Variants in PALD1 observed in about 807,000 individuals in gnomAD.
The protein encoded by PALD1 is phosphatase domain containing paladin 1, also known as paladin.
A neutral mutation model predicts 96.0 loss-of-function variants in PALD1; 57 were observed. That is an observed-to-expected ratio of 0.59 (90% CI 0.48 to 0.74). The LOEUF is 0.74. Ranked by LOEUF, PALD1 falls within the 30% of genes least tolerant of loss-of-function variation. The pLI, the probability that PALD1 is intolerant of heterozygous loss-of-function variation, is 0.00. For missense variants in PALD1, 1,063 were observed against 1,143.7 expected (o/e 0.93, Z 1.02); for synonymous variants, 464 against 473.6 (o/e 0.98, Z 0.26).
At chr10:70,497,334 C>G (rs1846211678) in intron 1 of PALD1, among the ~76,000 whole-genome samples, 1 of 152,228 alleles carries the variant, frequency 6.6e-6, no homozygotes, top group Non-Finnish European at 1.5e-5. Flanking sequence ...GTGTGCACAG[C>G]TGCCTCGCTC....
chr10:70,526,802 G>T (rs1846878724), intron 2 of PALD1, among the ~76,000 whole-genome samples: 1 of 152,238 alleles, frequency 6.6e-6, no homozygotes, highest in African/African-American at 2.4e-5. Context: ...GAGAAGCCTT[G>T]TACTTTCCAC....
chr10:70,543,152 A>G (rs1432759745), intron 17 of PALD1, among the ~76,000 whole-genome samples: 1 of 145,324 alleles, frequency 6.9e-6, no homozygotes. Flanking sequence ...ATGATTAGTG[A>G]TGTTCAATAT....
chr10:70,556,523 G>A (rs1447251847), intron 18 of PALD1, among the ~76,000 whole-genome samples: 1 of 152,024 alleles, frequency 6.6e-6, no homozygotes, highest in African/African-American at 2.4e-5. Flanking sequence ...TTGCTGTGGT[G>A]CCCAGGCTGG....
intron 8 of PALD1, 95 bp from the exon 9 acceptor site, chr10:70,534,330 G>C: frequency 3.5e-6 from 3 of 851,470 alleles, no homozygotes; most frequent in South Asian, 1.6e-5. Flanking sequence ...CTGTAGTCTG[G>C]TGTCCCCCAG....
At chr10:70,563,006 C>T (rs1156479378) in intron 18 of PALD1, among the ~76,000 whole-genome samples, 1 of 152,158 alleles carries the variant, frequency 6.6e-6, no homozygotes, top group Non-Finnish European at 1.5e-5. Context: ...TCAGTGGCTC[C>T]CCAGTACTGA....
intron 12 of PALD1, 85 bp from the exon 13 acceptor site, chr10:70,538,807 C>T (rs1564703288): frequency 8.9e-7 from 1 of 1,120,754 alleles, no homozygotes; most frequent in Non-Finnish European, 1.4e-6. Flanking sequence ...CCACCCCACC[C>T]CCCGTCTGCC....
intron 1 of PALD1, among the ~76,000 whole-genome samples, chr10:70,511,646 C>T (rs976500714): frequency 1.3e-5 from 2 of 152,150 alleles, no homozygotes; most frequent in African/African-American, 4.8e-5. Flanking sequence ...CTGGTGCAGG[C>T]CTTCTTGCTG....
Position 70,534,010 on chromosome 10 carries a change from A to G in PALD1, c.959A>G (p.Asn320Ser), listed in dbSNP as rs759173599. ...TGCCAGATGGGCGTGGGCAGGACCA[A>G]CCTGGGCATGGTCCTGGGCACCCTC... The part of the protein sequence containing the change: ...FSCQMGVGRT[N>S]LGMVLGTLIL... Residue 320 changes from asparagine (N) to serine (S), a missense_variant, in exon 8 of 20, where the codon AAC becomes AGC. Asn to Ser is a conservative substitution (Grantham distance 46). Coordinates refer to ENST00000263563, the MANE Select transcript of PALD1 (RefSeq NM_014431.3). 2 of 1,613,166 alleles carry G rather than the reference A, an allele frequency of 1.2e-6. No individual in the cohort carries two copies. Among genetic ancestry groups the G allele is most frequent in the South Asian group, 1.1e-5 (1 of 90,868 alleles).
intron 8 of PALD1, 79 bp downstream of exon 8, chr10:70,534,152 G>A (rs1847057872): frequency 1.3e-5 from 19 of 1,411,136 alleles, no homozygotes; most frequent in Non-Finnish European, 1.6e-5. Context: ...GTGGGGACAT[G>A]TCTAGGAGCC....
the PALD1 span, among the ~76,000 whole-genome samples, chr10:70,469,501 A>AATGCATT: frequency 6.6e-6 from 1 of 152,132 alleles, no homozygotes. Flanking sequence ...ATGTGCATTG[A>AATGCATT]ATGCATTATG....
chr10:70,539,520 T>C lies in PALD1; in HGVS notation c.1726-60T>C. ...GCCTGGCCATGGCAGGCTGTGGCCT[T>C]TCAGGGCTAGCCTAGAGCCTGCCCC... On this transcript the variant is annotated intron_variant, in intron 14 of 19. Coordinates refer to ENST00000263563, the MANE Select transcript of PALD1 (RefSeq NM_014431.3). The surrounding 1 kb of genome is among the most constrained non-coding windows in gnomAD (Gnocchi z 4.5). The C allele has an allele frequency of 5.5e-6, 8 of 1,457,812 alleles. No individual in the cohort carries two copies. The highest frequency in any genetic ancestry group is 7.4e-6 in the Non-Finnish European group (8 of 1,083,078). 90.3% of individuals were successfully genotyped at this position (1,457,812 alleles called of 1,614,324 possible). A position where few individuals can be genotyped will look rare whatever the true frequency, so the allele number is the denominator to read the frequency against.
chr10:70,507,565 G>T (rs997347702), intron 1 of PALD1, among the ~76,000 whole-genome samples: 4 of 152,214 alleles, frequency 2.6e-5, no homozygotes, highest in African/African-American at 9.6e-5. Context: ...GGGACCGAAG[G>T]TGTGCACCAC....
chr10:70,530,673 A>G (rs1441573399), intron 4 of PALD1, among the ~76,000 whole-genome samples: 1 of 152,146 alleles, frequency 6.6e-6, no homozygotes, highest in Non-Finnish European at 1.5e-5. Flanking sequence ...TCTTGAGTGC[A>G]GCTGCATCTG....
In PALD1 at chr10:70,531,365, CCT is replaced by C; in HGVS notation, c.546_547del (p.Asp184GlnfsTer6). On this transcript the variant is annotated frameshift_variant, in exon 5 of 20. Coordinates refer to ENST00000263563, the MANE Select transcript of PALD1 (RefSeq NM_014431.3). LOFTEE classifies it high-confidence loss of function. ...RADEDFVSYT[P>X]RDKQNLHENL... is the part of the protein sequence containing the mutation. Reference sequence around the variant, plus strand: ...AGATGAGGACTTTGTGTCCTACACACCTCGAGACAAGCAGAACCTTCATGAGA... The same window carrying C: ...AGATGAGGACTTTGTGTCCTACACACCGAGACAAGCAGAACCTTCATGAGA... 3 of 1,614,026 alleles carry C rather than the reference CCT, an allele frequency of 1.9e-6. No individual in the cohort carries two copies. The highest frequency in any genetic ancestry group is 2.5e-6 in the Non-Finnish European group (3 of 1,179,910).
rs1847189850 is a variant in PALD1 at position 70,539,372 on chromosome 10, T to G, written c.1725+125T>G. The G allele has an allele frequency of 8.9e-7, 1 of 1,125,714 alleles. No homozygotes were observed. The highest frequency in any genetic ancestry group is 1.6e-5 in the African/African-American group (1 of 63,816). The allele number at this position is 1,125,714 out of a possible 1,614,324, so 69.7% of individuals were successfully genotyped here. A position where few individuals can be genotyped will look rare whatever the true frequency, so the allele number is the denominator to read the frequency against. On this transcript the variant is annotated intron_variant, in intron 14 of 19. Coordinates refer to ENST00000263563, the MANE Select transcript of PALD1 (RefSeq NM_014431.3). The surrounding 1 kb of genome is among the most constrained non-coding windows in gnomAD (Gnocchi z 4.5). ...GAATCTGAGGCCCCGGGAGGAGCAG[T>G]GTCAGGGAGTGGCCAACTCAGGATT...
At chr10:70,526,407 G>A (rs578257636) in intron 2 of PALD1, among the ~76,000 whole-genome samples, 180 of 152,336 alleles carry the variant, frequency 1.2e-3, no homozygotes, top group African/African-American at 4.2e-3. Flanking sequence ...ATGGCTGGGG[G>A]ACCCCCCTTT....
At chr10:70,521,438 T>C (rs1442445238) in intron 1 of PALD1, among the ~76,000 whole-genome samples, 4 of 152,148 alleles carry the variant, frequency 2.6e-5, no homozygotes, top group Non-Finnish European at 5.9e-5. Flanking sequence ...CAGCGCTTCA[T>C]GAGGGCTTTG....
rs1847187554 is a variant in PALD1, at chr10:70,539,324, T to C, written c.1725+77T>C. ...GGCCTGGGAGGGTCTTCAGAAGGCC[T>C]CACACTCCCGCAGACAGATGGAGAA... On this transcript the variant is annotated intron_variant, in intron 14 of 19. Coordinates refer to ENST00000263563, the MANE Select transcript of PALD1 (RefSeq NM_014431.3). This position sits in a 1 kb window ranked among gnomAD's most constrained non-coding sequence, Gnocchi z 4.5. 7.1e-7 allele frequency: 1 copy of C among 1,403,018 alleles called. No individual in the cohort carries two copies. Among genetic ancestry groups the C allele is most frequent in the Non-Finnish European group, 9.6e-7 (1 of 1,037,686 alleles). 86.9% of individuals were successfully genotyped at this position (1,403,018 alleles called of 1,614,324 possible).
At chr10:70,491,871 T>C (rs1320310124) in intron 1 of PALD1, among the ~76,000 whole-genome samples, 2 of 152,236 alleles carry the variant, frequency 1.3e-5, no homozygotes, top group Non-Finnish European at 2.9e-5. Context: ...CTGGCTTTTT[T>C]CACTTAGCAT....
Sources: gnomAD v4.1 joint callset for allele counts (sites outside exome capture counted in the v4.1 genomes callset) on GRCh38, gnomAD v4.1.1 for gene constraint, Gnocchi (gnomAD v3.1) non-coding constraint, MANE v1.5 for transcripts, NCBI Gene and HGNC (gene_info 2026-07-23, HGNC 2026-07-21) for gene names.